Variants in SOX6 observed in about 807,000 individuals in gnomAD.
SOX6 encodes SRY-box transcription factor 6.
In SOX6, 11 loss-of-function variants were observed where a neutral mutation model predicts 97.8. The ratio of observed to expected loss-of-function variants is 0.11; its 90% CI spans 0.07 to 0.19. SOX6 has a LOEUF of 0.19. Ranked by LOEUF, SOX6 falls within the 10% of genes least tolerant of loss-of-function variation. The pLI is 1.00. For synonymous variants in SOX6, 360 were observed against 371.4 expected (o/e 0.97, Z 0.35); for missense variants, 810 against 1,039.5 (o/e 0.78, Z 3.04).
chr11:16,523,629 G>C (rs940508527), intron 4 of SOX6, among the ~76,000 whole-genome samples: 5 of 151,906 alleles, frequency 3.3e-5, no homozygotes, highest in Admixed American at 2.0e-4. Flanking sequence ...AAATAACTAA[G>C]ATCAGAGCAA....
At chr11:16,631,733 G>A (rs73419059) in intron 3 of SOX6, among the ~76,000 whole-genome samples, 3,517 of 151,976 alleles carry the variant, frequency 0.023, 143 homozygotes, top group African/African-American at 0.081. Flanking sequence ...CATAGGTTTG[G>A]TTGCTTTACA....
At chr11:16,594,272 A>C (rs1234381235) in intron 4 of SOX6, among the ~76,000 whole-genome samples, 1 of 152,202 alleles carries the variant, frequency 6.6e-6, no homozygotes, top group African/African-American at 2.4e-5. Context: ...ACAAAAGTCA[A>C]AAGTATTCAG....
intron 1 of SOX6, among the ~76,000 whole-genome samples, chr11:16,432,628 T>C (rs1225056587): frequency 1.3e-5 from 2 of 152,170 alleles, no homozygotes; most frequent in East Asian, 3.9e-4. Flanking sequence ...TCTCAATATT[T>C]GTGGTGATTA....
chr11:16,173,332 T>A (rs1054956161), intron 6 of SOX6, among the ~76,000 whole-genome samples: 1 of 151,776 alleles, frequency 6.6e-6, no homozygotes, highest in African/African-American at 2.4e-5. Flanking sequence ...CCTGGGGGGT[T>A]TCTTTTGGGA....
chr11:16,545,244 A>G (rs1162441951), intron 4 of SOX6, among the ~76,000 whole-genome samples: 1 of 152,038 alleles, frequency 6.6e-6, no homozygotes, highest in Non-Finnish European at 1.5e-5. Flanking sequence ...GCTCTAAAAG[A>G]GAGAGGAAAG....
intron 4 of SOX6, among the ~76,000 whole-genome samples, chr11:16,514,653 G>A (rs1276358071): frequency 4.0e-5 from 6 of 150,282 alleles, no homozygotes; most frequent in Admixed American, 6.6e-5. Flanking sequence ...CCACTAACTC[G>A]TCATCTAGCA....
chr11:16,469,137 A>C (rs916283223), intron 1 of SOX6, among the ~76,000 whole-genome samples: 2 of 152,074 alleles, frequency 1.3e-5, no homozygotes, highest in African/African-American at 4.8e-5. Flanking sequence ...TAACTGAGTA[A>C]ATTTTAATGG....
intron 1 of SOX6, among the ~76,000 whole-genome samples, chr11:16,362,329 T>TA (rs1322115379): frequency 2.0e-5 from 3 of 151,710 alleles, no homozygotes; most frequent in Non-Finnish European, 4.4e-5. Context: ...ATACAAGCAA[T>TA]AAAAAAATAA....
At chr11:16,723,133 T>A (rs1031741218) in intron 2 of SOX6, among the ~76,000 whole-genome samples, 29 of 152,312 alleles carry the variant, frequency 1.9e-4, no homozygotes, top group African/African-American at 6.7e-4. Context: ...CACCATGGAA[T>A]ACTATGCAGT....
At chr11:16,162,306 C>A (rs1228068521) in intron 6 of SOX6, among the ~76,000 whole-genome samples, 1 of 152,170 alleles carries the variant, frequency 6.6e-6, no homozygotes, top group African/African-American at 2.4e-5. Context: ...CCAACTCTGT[C>A]AGTAACTAGA....
chr11:16,030,587 A>G (rs1855344141), intron 12 of SOX6, among the ~76,000 whole-genome samples: 2 of 152,194 alleles, frequency 1.3e-5, no homozygotes, highest in Non-Finnish European at 2.9e-5. Context: ...ATGATTCTGG[A>G]AAACCAGTTT....
At chr11:16,096,744 T>C (rs1848806560) in intron 8 of SOX6, among the ~76,000 whole-genome samples, 1 of 151,896 alleles carries the variant, frequency 6.6e-6, no homozygotes, top group Non-Finnish European at 1.5e-5. Context: ...AACTCAAAAA[T>C]AATTATAGTA....
At chr11:16,461,848 T>C (rs2133106896) in intron 1 of SOX6, among the ~76,000 whole-genome samples, 1 of 152,304 alleles carries the variant, frequency 6.6e-6, no homozygotes, top group African/African-American at 2.4e-5. Flanking sequence ...TTTTCCTTCT[T>C]TGAGCCATGC....
At chr11:16,119,714 T>C (rs1291354847) in intron 6 of SOX6, among the ~76,000 whole-genome samples, 1 of 152,230 alleles carries the variant, frequency 6.6e-6, no homozygotes, top group Non-Finnish European at 1.5e-5. Flanking sequence ...GTAGAATTGT[T>C]AATGCAACTA....
chr11:16,545,197 A>G (rs1330432537), intron 4 of SOX6, among the ~76,000 whole-genome samples: 2 of 152,168 alleles, frequency 1.3e-5, no homozygotes, highest in Non-Finnish European at 2.9e-5. Context: ...AGAATTAAAA[A>G]GAAATGAATA....
At chr11:16,132,338 AAAAG>A (rs869051811) in intron 6 of SOX6, among the ~76,000 whole-genome samples, 1,777 of 40,576 alleles carry the variant, frequency 0.044, 189 homozygotes, top group Non-Finnish European at 0.052. Flanking sequence ...AAGGAAAGAA[AAAAG>A]AAAGAAAGAA....
intron 1 of SOX6, among the ~76,000 whole-genome samples, chr11:16,431,839 T>G (rs1364365012): frequency 1.3e-5 from 2 of 152,138 alleles, no homozygotes; most frequent in Non-Finnish European, 2.9e-5. Flanking sequence ...ATTATTATCA[T>G]GTTGACATTT....
At chr11:16,487,637 T>G (rs1459276798) in intron 4 of SOX6, among the ~76,000 whole-genome samples, 1 of 152,200 alleles carries the variant, frequency 6.6e-6, no homozygotes, top group Non-Finnish European at 1.5e-5. Flanking sequence ...AGTCCATACC[T>G]CTTTTTAATC....
intron 1 of SOX6, among the ~76,000 whole-genome samples, chr11:16,738,204 T>C (rs541929524): frequency 7.9e-5 from 12 of 151,354 alleles, no homozygotes; most frequent in East Asian, 5.8e-4. Flanking sequence ...CTGCGCGCAA[T>C]AGAGAACACC....
Sources: gnomAD v4.1 joint callset for allele counts (sites outside exome capture counted in the v4.1 genomes callset) on GRCh38, gnomAD v4.1.1 for gene constraint, MANE v1.5 for transcripts, NCBI Gene and HGNC (gene_info 2026-07-23, HGNC 2026-07-21) for gene names.